BANK1: variants seen among roughly 807,000 people sequenced by gnomAD.
BANK1 encodes the protein B-cell scaffold protein with ankyrin repeats.
A neutral mutation model predicts 94.5 loss-of-function variants in BANK1; 95 were observed. The observed-to-expected ratio is 1.00, with a 90% CI of 0.85 to 1.19. The LOEUF (loss-of-function observed/expected upper bound fraction) is 1.19, where lower values mean the gene tolerates loss of function less well. BANK1 is among the 50% of genes most tolerant of loss of function. The pLI, the probability that BANK1 is intolerant of heterozygous loss-of-function variation, is 0.00. For synonymous variants in BANK1, 334 were observed against 308.4 expected, an observed-to-expected ratio of 1.08 and a Z score of -0.87; for missense variants, 987 against 932.2, an observed-to-expected ratio of 1.06 and a Z score of -0.77.
At chr4:101,893,577 T>A (rs956671605) in intron 5 of BANK1, among the ~76,000 whole-genome samples, 1 of 152,026 alleles carries the variant, frequency 6.6e-6, no homozygotes, top group Non-Finnish European at 1.5e-5. Flanking sequence ...CTAAAACACT[T>A]TTTTTAGCTT....
At chr4:101,997,918 C>G (rs1725934742) in intron 7 of BANK1, among the ~76,000 whole-genome samples, 1 of 152,088 alleles carries the variant, frequency 6.6e-6, no homozygotes, top group Non-Finnish European at 1.5e-5. Flanking sequence ...CTATCTCCTT[C>G]AGTTCTGCTC....
intron 7 of BANK1, among the ~76,000 whole-genome samples, chr4:101,934,725 G>A (rs763031738): frequency 5.0e-4 from 76 of 151,486 alleles, no homozygotes; most frequent in Non-Finnish European, 9.8e-4. Flanking sequence ...TAAATAAATG[G>A]ACAATTCCCT....
chr4:101,920,849 C>A (rs985238822), intron 7 of BANK1, among the ~76,000 whole-genome samples: 4 of 151,526 alleles, frequency 2.6e-5, no homozygotes, highest in Non-Finnish European at 5.9e-5. Flanking sequence ...TAGAAAAATA[C>A]AGAGAAAACA....
chr4:102,002,550 C>T (rs1013145929), intron 7 of BANK1, among the ~76,000 whole-genome samples: 1 of 101,948 alleles, frequency 9.8e-6, no homozygotes, highest in South Asian at 3.8e-4. Context: ...CAAATACACA[C>T]ACACACACAC....
intron 7 of BANK1, among the ~76,000 whole-genome samples, chr4:101,997,695 T>C (rs1725927584): frequency 6.6e-6 from 1 of 152,216 alleles, no homozygotes; most frequent in South Asian, 2.1e-4. Flanking sequence ...CTAGATTTTC[T>C]AGTTTATTTG....
At chr4:102,017,659 T>G (rs905762559) in intron 7 of BANK1, among the ~76,000 whole-genome samples, 3 of 152,326 alleles carry the variant, frequency 2.0e-5, no homozygotes, top group African/African-American at 7.2e-5. Context: ...GCCTACTGCT[T>G]CTTTCTCCAT....
rs28513740 is a variant in BANK1 at position 101,884,691 on chromosome 4, C to T, written c.904-10614C>T. On this transcript the variant is annotated intron_variant, in intron 5 of 16. Transcript: ENST00000322953. ...TCCTTAATATCTTCTTACATACTTA[C>T]TCTACAAATTCAATCCATACTAATA... Among the ~76,000 whole-genome samples the T allele has an allele frequency of 6.3e-3, 960 of 152,274 alleles. 10 individuals carry two copies. Among genetic ancestry groups the T allele is most frequent in the African/African-American group, 0.021 (886 of 41,558 alleles).
chr4:102,042,157 A>G (rs1246254769), intron 10 of BANK1, among the ~76,000 whole-genome samples: 1 of 152,076 alleles, frequency 6.6e-6, no homozygotes, highest in Non-Finnish European at 1.5e-5. Context: ...CGTTATTAAA[A>G]TTTTTAAAGC....
intron 16 of BANK1, 51 bp downstream of exon 16, chr4:102,073,799 A>G: frequency 7.3e-7 from 1 of 1,367,302 alleles, no homozygotes; most frequent in Middle Eastern, 1.9e-4. Context: ...CAGCCTTGTT[A>G]GGGACTTGAA....
chr4:101,995,414 A>C (rs995069800), intron 7 of BANK1, among the ~76,000 whole-genome samples: 1 of 152,178 alleles, frequency 6.6e-6, no homozygotes, highest in Non-Finnish European at 1.5e-5. Flanking sequence ...ATGTATGTGC[A>C]TGTGTCTTTA....
At chr4:102,009,749 A>G (rs970941650) in intron 7 of BANK1, among the ~76,000 whole-genome samples, 6 of 152,256 alleles carry the variant, frequency 3.9e-5, no homozygotes, top group African/African-American at 1.2e-4. Flanking sequence ...AAATGTTAAC[A>G]TAAGTACAGA....
chr4:102,058,374 A>G lies in BANK1; in HGVS notation c.1970-1837A>G, dbSNP rs115833992. Among the ~76,000 whole-genome samples, 324 of 152,270 alleles carry G rather than the reference A, an allele frequency of 2.1e-3. 2 individuals are homozygous for G. The highest frequency in any genetic ancestry group is 7.6e-3 in the African/African-American group (317 of 41,566). On this transcript the variant is annotated intron_variant, in intron 11 of 16. Transcript: ENST00000322953. ...TAAAGCTTTTACACTAAAAGACAAGAGTCTACCATACATACAGTTAGCTGT... is the reference window on the plus strand; with the variant it reads ...TAAAGCTTTTACACTAAAAGACAAGGGTCTACCATACATACAGTTAGCTGT...
chr4:101,844,399 T>G (rs1349802056), intron 2 of BANK1, among the ~76,000 whole-genome samples: 2 of 152,132 alleles, frequency 1.3e-5, no homozygotes. Flanking sequence ...GGTGAGAAGA[T>G]TGGAAAGACT....
chr4:102,000,062 G>A (rs1323602848), intron 7 of BANK1, among the ~76,000 whole-genome samples: 1 of 152,108 alleles, frequency 6.6e-6, no homozygotes, highest in Admixed American at 6.5e-5. Flanking sequence ...GCTCATGCCT[G>A]TAATCCCAGC....
intron 7 of BANK1, among the ~76,000 whole-genome samples, chr4:101,924,754 T>G (rs1288989680): frequency 1.3e-5 from 2 of 151,822 alleles, no homozygotes; most frequent in African/African-American, 4.8e-5. Flanking sequence ...AATAGAGGTT[T>G]TGTAAAATGA....
chr4:101,862,172 A>G (rs112054772), intron 3 of BANK1, among the ~76,000 whole-genome samples: 1 of 152,176 alleles, frequency 6.6e-6, no homozygotes, highest in Non-Finnish European at 1.5e-5. Context: ...TAACAGCTGA[A>G]TTATAGCCTT....
chr4:102,029,590 T>C (rs1291859802), intron 9 of BANK1, among the ~76,000 whole-genome samples: 1 of 148,186 alleles, frequency 6.7e-6, no homozygotes, highest in African/African-American at 2.4e-5. Flanking sequence ...AATATTTATA[T>C]ATGAAATAAT....
At chr4:101,928,847 C>T (rs919272530) in intron 7 of BANK1, among the ~76,000 whole-genome samples, 42 of 151,308 alleles carry the variant, frequency 2.8e-4, no homozygotes, top group Admixed American at 5.3e-4. Flanking sequence ...GTTCACGGCC[C>T]ATTATATGCC....
chr4:102,072,361 C>T lies in BANK1; in HGVS notation c.2259C>T (p.His753=), dbSNP rs1394713946. ...VHHPGGKETA[H]NENKFYNVHF... ...TATTTCTAGGTAAGGAAACTGCCCA[C>T]AATGAAAATAAGTTTTATAATGTAC... is the stretch of plus-strand genomic sequence containing the variant. Residue 753 remains histidine (H), a synonymous_variant, in exon 15 of 17, where the codon CAC becomes CAT. Transcript: ENST00000322953. 6.3e-7 allele frequency: 1 copy of T among 1,593,968 alleles called. No individual in the cohort carries two copies. Among genetic ancestry groups the T allele is most frequent in the Middle Eastern group, 1.7e-4 (1 of 6,016 alleles).
Sources: allele counts gnomAD v4.1 joint callset (sites outside exome capture counted in the v4.1 genomes callset), GRCh38; gene constraint gnomAD v4.1.1; transcripts MANE v1.5; gene names NCBI Gene and HGNC (gene_info 2026-07-23, HGNC 2026-07-21).